CPQ: variants seen among roughly 807,000 people sequenced by gnomAD.
CPQ encodes the protein carboxypeptidase Q.
Under a neutral mutation model 45.7 loss-of-function variants are expected in CPQ, and 37 were observed. The ratio of observed to expected loss-of-function variants is 0.81; its 90% CI spans 0.62 to 1.07. The LOEUF (loss-of-function observed/expected upper bound fraction) is 1.07. CPQ is among the 50% of genes least tolerant of loss of function. The pLI is 0.00. For synonymous variants in CPQ, 186 were observed against 205.8 expected, an observed-to-expected ratio of 0.90 and a Z score of 0.82; for missense variants, 537 against 572.9, an observed-to-expected ratio of 0.94 and a Z score of 0.64.
chr8:96,832,038 TTA>T (rs895476931), intron 2 of CPQ, among the ~76,000 whole-genome samples: 46 of 152,172 alleles, frequency 3.0e-4, no homozygotes, highest in African/African-American at 1.1e-3. Context: ...GTTAGTTATT[TTA>T]TATGTTTCTG....
At chr8:96,872,982 G>A (rs1174029332) in intron 3 of CPQ, among the ~76,000 whole-genome samples, 1 of 151,752 alleles carries the variant, frequency 6.6e-6, no homozygotes, top group African/African-American at 2.4e-5. Context: ...CCTGTATGGT[G>A]TGGATGTTAA....
chr8:96,824,626 T>G (rs990226573), intron 2 of CPQ, among the ~76,000 whole-genome samples: 1 of 152,006 alleles, frequency 6.6e-6, no homozygotes, highest in Non-Finnish European at 1.5e-5. Flanking sequence ...GGATTACAAA[T>G]GGTCCACATG....
chr8:96,852,899 G>T (rs1244980466), intron 3 of CPQ, among the ~76,000 whole-genome samples: 1 of 152,148 alleles, frequency 6.6e-6, no homozygotes, highest in African/African-American at 2.4e-5. Context: ...AAGTAAAAAA[G>T]GTGATAGTGA....
At chr8:96,715,237 C>T (rs1377860031) in intron 1 of CPQ, among the ~76,000 whole-genome samples, 1 of 152,052 alleles carries the variant, frequency 6.6e-6, no homozygotes, top group East Asian at 1.9e-4. Context: ...TGGGGGAGCT[C>T]TCAGTGAAAC....
intron 3 of CPQ, among the ~76,000 whole-genome samples, chr8:96,870,031 T>C (rs1251182938): frequency 6.6e-6 from 1 of 151,992 alleles, no homozygotes. Flanking sequence ...TGTGCGTAAA[T>C]GGGTATAAAA....
chr8:96,933,718 G>A (rs1316841839), intron 4 of CPQ, among the ~76,000 whole-genome samples: 1 of 152,092 alleles, frequency 6.6e-6, no homozygotes, highest in East Asian at 1.9e-4. Context: ...GCAAGATGGA[G>A]CCAATGTAAG....
chr8:96,818,751 T>C (rs1238222418), intron 2 of CPQ, among the ~76,000 whole-genome samples: 3 of 152,114 alleles, frequency 2.0e-5, no homozygotes, highest in Non-Finnish European at 4.4e-5. Context: ...TGTCAATATG[T>C]ATTACCCTGC....
chr8:96,695,941 G>A (rs1304841233), intron 1 of CPQ, among the ~76,000 whole-genome samples: 3 of 149,086 alleles, frequency 2.0e-5, no homozygotes, highest in Non-Finnish European at 3.0e-5. Flanking sequence ...CCATTACTGG[G>A]TATATACCCA....
At chr8:96,880,532 T>G (rs1812208078) in intron 4 of CPQ, among the ~76,000 whole-genome samples, 6 of 6,258 alleles carry the variant, frequency 9.6e-4, no homozygotes, top group African/African-American at 5.4e-3. Flanking sequence ...TATATATATA[T>G]ATATATATAT....
intron 7 of CPQ, among the ~76,000 whole-genome samples, chr8:97,084,039 A>AAAAG (rs1752496914): frequency 6.6e-6 from 1 of 152,190 alleles, no homozygotes; most frequent in South Asian, 2.1e-4. Context: ...CTTACAATGT[A>AAAAG]AAAGATGAAC....
At chr8:97,137,297 T>C (rs113916884) in intron 7 of CPQ, among the ~76,000 whole-genome samples, 4,771 of 152,280 alleles carry the variant, frequency 0.031, 141 homozygotes, top group Admixed American at 0.056. Flanking sequence ...TCGACCACCA[T>C]GCCGTGTCTT....
intron 4 of CPQ, among the ~76,000 whole-genome samples, chr8:96,880,988 C>T (rs767899271): frequency 1.3e-5 from 2 of 152,152 alleles, no homozygotes; most frequent in East Asian, 1.9e-4. Flanking sequence ...GAATGGTATT[C>T]GTGATGTGGA....
At chr8:96,888,347 T>C (rs1375502903) in intron 4 of CPQ, among the ~76,000 whole-genome samples, 1 of 152,058 alleles carries the variant, frequency 6.6e-6, no homozygotes, top group African/African-American at 2.4e-5. Context: ...CCTTCATCTA[T>C]AGAAGGAGGA....
intron 4 of CPQ, among the ~76,000 whole-genome samples, chr8:96,927,048 G>A (rs1812901878): frequency 6.6e-6 from 1 of 152,236 alleles, no homozygotes; most frequent in Non-Finnish European, 1.5e-5. Flanking sequence ...GTAGCAGAGC[G>A]ATGACTATTA....
At chr8:96,889,723 C>G (rs189362672) in intron 4 of CPQ, among the ~76,000 whole-genome samples, 6 of 152,216 alleles carry the variant, frequency 3.9e-5, no homozygotes, top group Admixed American at 3.9e-4. Flanking sequence ...ACTCTGAGTC[C>G]AAGGGTCCAA....
intron 1 of CPQ, among the ~76,000 whole-genome samples, chr8:96,660,330 T>G (rs926725453): frequency 6.6e-6 from 1 of 152,184 alleles, no homozygotes; most frequent in Non-Finnish European, 1.5e-5. Flanking sequence ...TTTCCTCTTC[T>G]TATATGGACA....
intron 5 of CPQ, among the ~76,000 whole-genome samples, chr8:96,976,591 T>G (rs1331868341): frequency 1.3e-5 from 2 of 152,034 alleles, no homozygotes; most frequent in Non-Finnish European, 2.9e-5. Flanking sequence ...ATTACCCTAC[T>G]TCAAACTAAA....
chr8:96,821,409 T>G (rs1811306548), intron 2 of CPQ, among the ~76,000 whole-genome samples: 1 of 151,908 alleles, frequency 6.6e-6, no homozygotes, highest in African/African-American at 2.4e-5. Context: ...TTCTAGTGGT[T>G]TCATTGTTTT....
At chr8:96,870,701 G>A (rs1435096953) in intron 3 of CPQ, among the ~76,000 whole-genome samples, 1 of 152,058 alleles carries the variant, frequency 6.6e-6, no homozygotes, top group Non-Finnish European at 1.5e-5. Context: ...AAAGCACACA[G>A]CACACTGGCA....
Sources: allele counts gnomAD v4.1 joint callset (sites outside exome capture counted in the v4.1 genomes callset), GRCh38; gene constraint gnomAD v4.1.1; transcripts MANE v1.5; gene names NCBI Gene and HGNC (gene_info 2026-07-23, HGNC 2026-07-21).